The following AMZ1 variants were observed in gnomAD, a reference collection of about 807,000 sequenced individuals.
AMZ1 encodes archaemetzincin-1.
AMZ1 carries 39 observed loss-of-function variants against 29.9 expected under a neutral mutation model. That is an observed-to-expected ratio of 1.30 (90% CI 1.01 to 1.70). The LOEUF (loss-of-function observed/expected upper bound fraction) is 1.70, where lower values mean the gene tolerates loss of function less well. AMZ1 is among the 40% of genes most tolerant of loss of function. AMZ1 has a pLI of 0.00. For missense variants in AMZ1, 1,041 were observed against 680.6 expected (o/e 1.53, Z -5.89); for synonymous variants, 458 against 304.0 (o/e 1.51, Z -5.27).
At chr7:2,681,814 A>G (rs1786893019) in intron 1 of AMZ1, among the ~76,000 whole-genome samples, 1 of 152,138 alleles carries the variant, frequency 6.6e-6, no homozygotes, top group Non-Finnish European at 1.5e-5. Flanking sequence ...GGAGATGGTG[A>G]CAGAGAGAGA....
chr7:2,732,451 CAGG>C (rs1376805139), intron 4 of AMZ1, among the ~76,000 whole-genome samples: 2 of 152,160 alleles, frequency 1.3e-5, no homozygotes, highest in African/African-American at 2.4e-5. Flanking sequence ...GAGGCCGAGA[CAGG>C]AGGATCATTT....
At chr7:2,761,421 C>A (rs548810467), upstream of AMZ1, among the ~76,000 whole-genome samples, 33 of 152,338 alleles carry the variant, frequency 2.2e-4, no homozygotes, top group African/African-American at 7.5e-4. Flanking sequence ...GGACGGCTGA[C>A]TTCATGGCAG....
In AMZ1 at chr7:2,731,007, G is replaced by A. The variant is rs1363101605; in HGVS notation, n.550+21191G>A. 1.8e-6 allele frequency: 1 copy of A among 544,186 alleles called. No individual in the cohort carries two copies. Among genetic ancestry groups the A allele is most frequent in the African/African-American group, 1.9e-5 (1 of 53,310 alleles). The allele number at this position is 544,186 out of a possible 1,614,324, so 33.7% of individuals were successfully genotyped here. A position where few individuals can be genotyped will look rare whatever the true frequency, so the allele number is the denominator to read the frequency against. On this transcript the variant is annotated intron_variant and non_coding_transcript_variant, in intron 4 of 4. Coordinates refer to the AMZ1 transcript ENST00000489665. This position sits in a 1 kb window ranked among gnomAD's most constrained non-coding sequence, Gnocchi z 6.0. ...CAGTAGCTAACGTGACAGTTTCCAT[G>A]TCCTTTTGCCTAGAGCTCGCTGGCT...
intron 1 of AMZ1, chr7:2,679,693 G>A (rs1476089555): frequency 6.6e-6 from 1 of 152,454 alleles, no homozygotes; most frequent in Non-Finnish European, 1.5e-5. Flanking sequence ...AGTCACCGAA[G>A]TGCGTGCCGG....
At chr7:2,756,145 C>T (rs1791282162) in intron 4 of AMZ1, among the ~76,000 whole-genome samples, 1 of 152,062 alleles carries the variant, frequency 6.6e-6, no homozygotes, top group South Asian at 2.1e-4. Context: ...AACAGGCCCC[C>T]ACATATATGG....
At position 2,731,405 on chromosome 7, in the gene AMZ1, C is replaced by T. The variant is rs368581021; in HGVS notation, n.550+21589C>T. The T allele has an allele frequency of 2.1e-5, 34 of 1,612,670 alleles. No individual in the cohort carries two copies. In the Admixed American group the frequency reaches 3.2e-4, roughly 15 times the overall value. ...TCCGGGAAGTGCTTCTTGATGCTCA[C>T]GGTCTTCACCTTCTCCACCAGGAGG... is the stretch of plus-strand genomic sequence containing the variant. On this transcript the variant is annotated intron_variant and non_coding_transcript_variant, in intron 4 of 4. Transcript: ENST00000489665. The surrounding 1 kb of genome is among the most constrained non-coding windows in gnomAD (Gnocchi z 6.0).
At chr7:2,697,424 T>C (rs1484368317) in intron 1 of AMZ1, among the ~76,000 whole-genome samples, 2 of 151,686 alleles carry the variant, frequency 1.3e-5, no homozygotes, top group Non-Finnish European at 2.9e-5. Context: ...AAATAAAATT[T>C]AAATTTGTTG....
In AMZ1 at chr7:2,709,191, G is replaced by T; in HGVS notation, c.718G>T (p.Asp240Tyr). Residue 240 changes from aspartate to tyrosine, a missense_variant, in exon 5 of 7, where the codon GAC becomes TAC. Asp to Tyr is a radical substitution (Grantham distance 160, BLOSUM62 -3). Transcript: ENST00000683327. ...AADGPEAPLQ[D>Y]RGWALCFSAL... ...AGACGGCCCCGAGGCCCCCCTGCAG[G>T]ACAGGGGCTGGGCCCTGTGCTTCAG... 1 of 1,534,230 alleles carries T rather than the reference G, an allele frequency of 6.5e-7. No homozygotes were observed. The highest frequency in any genetic ancestry group is 1.3e-5 in the South Asian group (1 of 78,644).
intron 1 of AMZ1, among the ~76,000 whole-genome samples, chr7:2,693,885 C>T (rs1583147460): frequency 1.3e-5 from 2 of 152,236 alleles, no homozygotes; most frequent in African/African-American, 4.8e-5. Context: ...GGACCTGTCA[C>T]CTTCTAACCT....
chr7:2,763,199 C>CACACACAT (rs1791655988), upstream of AMZ1: 1 of 135,752 alleles, frequency 7.4e-6, no homozygotes, highest in Admixed American at 1.8e-4. Flanking sequence ...CCAACACACA[C>CACACACAT]ACACACACAC....
chr7:2,735,601 C>A (rs1790130264), intron 4 of AMZ1, among the ~76,000 whole-genome samples: 1 of 152,174 alleles, frequency 6.6e-6, no homozygotes, highest in African/African-American at 2.4e-5. Flanking sequence ...GCAATCAGTC[C>A]CCCAGCTGCA....
At chr7:2,726,621 A>T (rs894499789) in intron 4 of AMZ1, among the ~76,000 whole-genome samples, 1 of 151,982 alleles carries the variant, frequency 6.6e-6, no homozygotes, top group Admixed American at 6.6e-5. Context: ...TTTCTGGCGC[A>T]CTCTCTGCCT....
rs1789067304 is a variant in AMZ1, at chr7:2,715,470, C to T, written c.*2592C>T. ...GGCTCATGCTGAGGGTGGGAGCCCA[C>T]TGGGGTTATGACCAAAGCCTCGGCG... On this transcript the variant is annotated 3_prime_UTR_variant, in exon 7 of 7. Coordinates refer to ENST00000683327, the MANE Select transcript of AMZ1 (RefSeq NM_001384743.1). 2.6e-5 allele frequency: 4 copies of T among 152,360 alleles called. No homozygotes were observed. Among genetic ancestry groups the T allele is most frequent in the Admixed American group, 6.5e-5 (1 of 15,304 alleles). The allele number at this position is 152,360 out of a possible 1,614,324, so 9.4% of individuals were successfully genotyped here.
chr7:2,698,536 TA>T (rs368063989), intron 1 of AMZ1, among the ~76,000 whole-genome samples: 10 of 151,284 alleles, frequency 6.6e-5, no homozygotes, highest in Admixed American at 4.6e-4. Flanking sequence ...AGACTCCATC[TA>T]AAAAAACAAA....
intron 4 of AMZ1, among the ~76,000 whole-genome samples, chr7:2,754,898 T>G (rs1436754726): frequency 6.6e-6 from 1 of 152,248 alleles, no homozygotes; most frequent in South Asian, 2.1e-4. Flanking sequence ...TACTGTTATC[T>G]TCTCTCAAGT....
chr7:2,704,038 G>A (rs1410232082), intron 3 of AMZ1, among the ~76,000 whole-genome samples: 1 of 152,150 alleles, frequency 6.6e-6, no homozygotes, highest in Non-Finnish European at 1.5e-5. Context: ...ACAGGCGGCT[G>A]CCACCATGCC....
chr7:2,736,467 T>C (rs1447970230), intron 4 of AMZ1, among the ~76,000 whole-genome samples: 1 of 152,158 alleles, frequency 6.6e-6, no homozygotes, highest in Non-Finnish European at 1.5e-5. Flanking sequence ...GTCCCACGAA[T>C]GTGTCTGTCC....
upstream of AMZ1, chr7:2,762,831 A>C: frequency 6.6e-7 from 1 of 1,506,840 alleles, no homozygotes; most frequent in Non-Finnish European, 8.9e-7. Context: ...CCACACACCC[A>C]GTCAGCGCGG....
chr7:2,699,539 C>CG (rs1490226543), intron 1 of AMZ1, among the ~76,000 whole-genome samples: 2 of 152,034 alleles, frequency 1.3e-5, no homozygotes, highest in Non-Finnish European at 2.9e-5. Context: ...CCGCCCCCCC[C>CG]CAAACATATG....
Sources: gnomAD v4.1 joint callset for allele counts (sites outside exome capture counted in the v4.1 genomes callset) on GRCh38, gnomAD v4.1.1 for gene constraint, Gnocchi (gnomAD v3.1) non-coding constraint, MANE v1.5 for transcripts, NCBI Gene and HGNC (gene_info 2026-07-23, HGNC 2026-07-21) for gene names.